Variants in AMOTL1 observed in about 807,000 individuals in gnomAD.
AMOTL1 encodes the protein angiomotin like 1.
A neutral mutation model predicts 102.9 loss-of-function variants in AMOTL1; 45 were observed. That is an observed-to-expected ratio of 0.44 (90% CI 0.34 to 0.56). The LOEUF (loss-of-function observed/expected upper bound fraction) is 0.56, where lower values mean the gene tolerates loss of function less well. Ranked by LOEUF, AMOTL1 falls within the 20% of genes least tolerant of loss-of-function variation. AMOTL1 has a pLI of 0.01. For missense variants in AMOTL1, 1,114 were observed against 1,225.6 expected (o/e 0.91, Z 1.36); for synonymous variants, 481 against 484.7 (o/e 0.99, Z 0.10).
Position 94,789,678 on chromosome 11 carries a change from C to T in AMOTL1, c.50-5333C>T, listed in dbSNP as rs149701568. 2.4e-3 allele frequency among the ~76,000 whole-genome samples: 364 copies of T among 152,252 alleles called. 3 individuals carry two copies. Among genetic ancestry groups the T allele is most frequent in the African/African-American group, 8.4e-3 (350 of 41,534 alleles). On this transcript the variant is annotated intron_variant, in intron 1 of 12. Transcript: ENST00000433060. ...TTTCCAGGGTATCCTTCTCCTTGAG[C>T]GGAGTATTCGGCTCCCTAGAAAAAC...
At chr11:94,779,729 C>A (rs1162801439) in intron 1 of AMOTL1, among the ~76,000 whole-genome samples, 1 of 152,072 alleles carries the variant, frequency 6.6e-6, no homozygotes, top group Non-Finnish European at 1.5e-5. Flanking sequence ...TTGATTTAGA[C>A]ATTTTTTTCA....
intron 1 of AMOTL1, among the ~76,000 whole-genome samples, chr11:94,794,008 A>G (rs961607425): frequency 1.3e-5 from 2 of 152,234 alleles, no homozygotes; most frequent in Non-Finnish European, 2.9e-5. Flanking sequence ...GTTTGGTATC[A>G]ATAATTAGTC....
intron 8 of AMOTL1, among the ~76,000 whole-genome samples, chr11:94,854,671 C>A (rs1246148086): frequency 6.6e-6 from 1 of 151,978 alleles, no homozygotes; most frequent in Non-Finnish European, 1.5e-5. Context: ...TGTCAGAGGA[C>A]CATCCAGAGG....
intron 1 of AMOTL1, among the ~76,000 whole-genome samples, chr11:94,710,801 C>T (rs1176362325): frequency 1.3e-5 from 2 of 152,204 alleles, no homozygotes; most frequent in African/African-American, 4.8e-5. Context: ...TAAAAACAAC[C>T]TCTGCATCCC....
chr11:94,841,134 T>C, intron 6 of AMOTL1, among the ~76,000 whole-genome samples: 1 of 152,106 alleles, frequency 6.6e-6, no homozygotes, highest in East Asian at 1.9e-4. Context: ...GTGTCAGTTT[T>C]TTATGTTAAG....
At chr11:94,857,298 A>G (rs333024) in intron 8 of AMOTL1, among the ~76,000 whole-genome samples, 21,781 of 152,222 alleles carry the variant, frequency 0.14, 3,471 homozygotes, top group African/African-American at 0.39. Flanking sequence ...TACCTTCAGA[A>G]TCATTTGAAG....
chr11:94,791,574 A>T (rs769299599), intron 1 of AMOTL1, among the ~76,000 whole-genome samples: 1 of 152,204 alleles, frequency 6.6e-6, no homozygotes, highest in Non-Finnish European at 1.5e-5. Context: ...TACACTGTAC[A>T]CAGAACAACT....
Position 94,869,068 on chromosome 11 carries a change from A to G in AMOTL1, c.2489-130A>G, listed in dbSNP as rs1952939481. On this transcript the variant is annotated intron_variant, in intron 11 of 12. Transcript: ENST00000433060. ...ATCAGCCTTGTAATAAGTGTTTATT[A>G]AATGCTTGGGGAATGAATCAATGAA... is the stretch of plus-strand genomic sequence containing the variant. The G allele has an allele frequency of 2.7e-6, 3 of 1,126,782 alleles. No individual in the cohort carries two copies. The East Asian group carries it at 8.1e-5, about 30-fold the overall frequency. 69.8% of individuals were successfully genotyped at this position (1,126,782 alleles called of 1,614,324 possible).
intron 11 of AMOTL1, 124 bp downstream of exon 11, chr11:94,866,292 G>A (rs1298296883): frequency 2.1e-6 from 2 of 955,300 alleles, no homozygotes; most frequent in Non-Finnish European, 3.1e-6. Flanking sequence ...TCTGTGAAGT[G>A]GGGAGGGAAA....
intron 1 of AMOTL1, among the ~76,000 whole-genome samples, chr11:94,780,585 T>G (rs1279952338): frequency 6.6e-6 from 1 of 152,260 alleles, no homozygotes; most frequent in Non-Finnish European, 1.5e-5. Context: ...CTCACTGATT[T>G]GATCATCTCT....
At chr11:94,864,638 T>C (rs1019516791) in intron 9 of AMOTL1, 97 bp from the exon 10 acceptor site, 7 of 1,513,864 alleles carry the variant, frequency 4.6e-6, no homozygotes, top group Non-Finnish European at 2.7e-6. Flanking sequence ...TGATCTCTGT[T>C]CCAGCATGAA....
intron 1 of AMOTL1, among the ~76,000 whole-genome samples, chr11:94,788,307 A>G (rs1363409890): frequency 6.6e-6 from 1 of 152,222 alleles, no homozygotes; most frequent in Admixed American, 6.5e-5. Flanking sequence ...TGTTAGGAAA[A>G]TAATGTACTC....
At chr11:94,857,082 A>T (rs1184995330) in intron 8 of AMOTL1, among the ~76,000 whole-genome samples, 1 of 152,180 alleles carries the variant, frequency 6.6e-6, no homozygotes, top group Non-Finnish European at 1.5e-5. Flanking sequence ...CCACGGTTGA[A>T]TCCTGCCTCC....
chr11:94,751,773 A>G (rs1483332534), intron 3 of AMOTL1, among the ~76,000 whole-genome samples: 2 of 141,946 alleles, frequency 1.4e-5, no homozygotes, highest in African/African-American at 5.7e-5. Flanking sequence ...ACATGCATTC[A>G]CACAGCACAC....
chr11:94,787,580 C>T (rs1054582830), intron 1 of AMOTL1, among the ~76,000 whole-genome samples: 4 of 150,074 alleles, frequency 2.7e-5, no homozygotes, highest in Non-Finnish European at 4.4e-5. Flanking sequence ...CCCAGCTACA[C>T]GGGAGGCTGA....
intron 3 of AMOTL1, among the ~76,000 whole-genome samples, chr11:94,750,554 C>T (rs547192279): frequency 2.2e-4 from 34 of 152,298 alleles, no homozygotes; most frequent in Non-Finnish European, 3.7e-4. Flanking sequence ...GGGTGGGCTA[C>T]GTGTGCGTAG....
chr11:94,794,102 G>A (rs1591971746), intron 1 of AMOTL1, among the ~76,000 whole-genome samples: 2 of 152,326 alleles, frequency 1.3e-5, no homozygotes, highest in African/African-American at 4.8e-5. Context: ...GGAAGCCATT[G>A]CTGAAAAACA....
intron 1 of AMOTL1, among the ~76,000 whole-genome samples, chr11:94,706,833 C>T (rs1304193394): frequency 2.0e-5 from 3 of 152,062 alleles, no homozygotes; most frequent in African/African-American, 7.2e-5. Context: ...GGAATCTAAT[C>T]GGGGCTTGGT....
chr11:94,834,112 C>G (rs1205354821), intron 6 of AMOTL1, among the ~76,000 whole-genome samples: 8 of 152,132 alleles, frequency 5.3e-5, no homozygotes, highest in Non-Finnish European at 8.8e-5. Context: ...TGCCTCTCTT[C>G]CTAGTTATTA....
Sources: allele counts gnomAD v4.1 joint callset (sites outside exome capture counted in the v4.1 genomes callset), GRCh38; gene constraint gnomAD v4.1.1; transcripts MANE v1.5; gene names NCBI Gene and HGNC (gene_info 2026-07-23, HGNC 2026-07-21).